TYW1B: variants seen among roughly 807,000 people sequenced by gnomAD.
TYW1B encodes S-adenosyl-L-methionine-dependent tRNA 4-demethylwyosine synthase TYW1B.
A neutral mutation model predicts 86.9 loss-of-function variants in TYW1B; 73 were observed. The observed-to-expected ratio is 0.84, with a 90% CI of 0.70 to 1.02. TYW1B has a LOEUF of 1.02. Among genes scored for constraint, TYW1B ranks in the 50% least tolerant of loss-of-function variants. The probability of loss-of-function intolerance (pLI) is 0.00; values close to 1 mark genes in which losing one functional copy is unlikely to be tolerated. For missense variants in TYW1B, 637 were observed against 827.4 expected (o/e 0.77, Z 2.82); for synonymous variants, 248 against 292.8 (o/e 0.85, Z 1.56).
intron 10 of TYW1B, among the ~76,000 whole-genome samples, chr7:72,701,414 C>G (rs1814468588): frequency 6.6e-6 from 1 of 152,078 alleles, no homozygotes; most frequent in African/African-American, 2.4e-5. Flanking sequence ...CAGGCATGCA[C>G]CAAAACACTT....
chr7:72,654,282 T>C (rs568341913), intron 11 of TYW1B, among the ~76,000 whole-genome samples: 51 of 152,146 alleles, frequency 3.4e-4, no homozygotes, highest in Non-Finnish European at 6.9e-4. Flanking sequence ...CCTTAATATA[T>C]ACAAATTCTA....
intron 2 of TYW1B, among the ~76,000 whole-genome samples, chr7:72,823,907 T>C (rs1239693782): frequency 2.0e-5 from 3 of 152,222 alleles, no homozygotes; most frequent in Admixed American, 6.6e-5. Flanking sequence ...ATTAACTTTC[T>C]GTACACCTGG....
intron 11 of TYW1B, among the ~76,000 whole-genome samples, chr7:72,685,054 G>A (rs1268669090): frequency 6.6e-6 from 1 of 151,368 alleles, no homozygotes; most frequent in African/African-American, 2.4e-5. Context: ...GGAGGTTGCA[G>A]TGCGCCAAGA....
At chr7:72,611,437 C>T (rs1365387381) in intron 13 of TYW1B, among the ~76,000 whole-genome samples, 1 of 152,058 alleles carries the variant, frequency 6.6e-6, no homozygotes, top group African/African-American at 2.4e-5. Flanking sequence ...TTCCCCCATG[C>T]TGTTCTTGTG....
chr7:72,677,354 C>G (rs1431329219), intron 11 of TYW1B, among the ~76,000 whole-genome samples: 1 of 151,632 alleles, frequency 6.6e-6, no homozygotes, highest in Non-Finnish European at 1.5e-5. Context: ...TGCTATGTTG[C>G]TCAGGCTGGT....
At chr7:72,634,136 A>G (rs1563039699) in intron 11 of TYW1B, among the ~76,000 whole-genome samples, 1 of 151,936 alleles carries the variant, frequency 6.6e-6, no homozygotes, top group African/African-American at 2.4e-5. Context: ...TGCTGCTGCC[A>G]TGAGTGCTAC....
chr7:72,771,242 G>A (rs1215845218), intron 7 of TYW1B, among the ~76,000 whole-genome samples: 3 of 152,174 alleles, frequency 2.0e-5, no homozygotes, highest in East Asian at 1.9e-4. Flanking sequence ...GATTACAGGC[G>A]TGAGCCACTG....
chr7:72,669,134 CT>C (rs781821639), intron 11 of TYW1B, among the ~76,000 whole-genome samples: 4,373 of 81,216 alleles, frequency 0.054, 49 homozygotes, highest in East Asian at 0.24. Context: ...TAATTTTAAA[CT>C]TTTTTTTTTT....
At chr7:72,743,881 G>A (rs1436703996) in intron 8 of TYW1B, among the ~76,000 whole-genome samples, 12 of 151,440 alleles carry the variant, frequency 7.9e-5, no homozygotes, top group Admixed American at 7.9e-4. Flanking sequence ...AAAAGAAATG[G>A]GTTAGTAGCA....
At chr7:72,715,023 T>C (rs1786751525) in intron 9 of TYW1B, among the ~76,000 whole-genome samples, 1 of 152,198 alleles carries the variant, frequency 6.6e-6, no homozygotes, top group Non-Finnish European at 1.5e-5. Flanking sequence ...TCTCAGATGG[T>C]TGTTATGTAT....
intron 13 of TYW1B, among the ~76,000 whole-genome samples, chr7:72,581,359 AT>A (rs2129567591): frequency 6.6e-6 from 1 of 152,060 alleles, no homozygotes; most frequent in Non-Finnish European, 1.5e-5. Context: ...AGATGACAAG[AT>A]ACTGAGGTTG....
intron 12 of TYW1B, among the ~76,000 whole-genome samples, chr7:72,622,761 C>A (rs1453902604): frequency 2.0e-5 from 3 of 151,410 alleles, no homozygotes; most frequent in Admixed American, 2.0e-4. Context: ...AGTGCACACA[C>A]CACACACATG....
intron 10 of TYW1B, among the ~76,000 whole-genome samples, chr7:72,709,281 G>A (rs1438230814): frequency 3.3e-5 from 5 of 152,138 alleles, no homozygotes; most frequent in Non-Finnish European, 4.4e-5. Context: ...TTGTTCCAGG[G>A]AAGGACATAC....
At chr7:72,709,329 G>A (rs1814687645) in intron 10 of TYW1B, among the ~76,000 whole-genome samples, 1 of 152,190 alleles carries the variant, frequency 6.6e-6, no homozygotes, top group Non-Finnish European at 1.5e-5. Context: ...CTTACTCCCT[G>A]AAGCACAGCA....
rs561810009 is a variant in TYW1B, at chr7:72,704,717, G to C, written c.1370+8904C>G. 1.6e-4 allele frequency among the ~76,000 whole-genome samples: 25 copies of C among 151,930 alleles called. No homozygotes were observed. In the South Asian group the frequency reaches 5.2e-3, roughly 32 times the overall value. On this transcript the variant is annotated intron_variant, in intron 10 of 13. Coordinates refer to ENST00000620995, the MANE Select transcript of TYW1B (RefSeq NM_001145440.3). The stretch of plus-strand genomic sequence containing the variant: ...GTTTCATGTCTTATCTCACATACTC[G>C]CAATGCCACCATAAGGTAGTCATTA...
intron 6 of TYW1B, among the ~76,000 whole-genome samples, chr7:72,778,152 CA>C (rs1554470958): frequency 2.0e-5 from 3 of 152,118 alleles, no homozygotes. Flanking sequence ...AATCTGAGTA[CA>C]GATAGCTGCC....
chr7:72,768,075 C>A (rs1322939724), intron 7 of TYW1B, among the ~76,000 whole-genome samples: 1 of 151,932 alleles, frequency 6.6e-6, no homozygotes, highest in Non-Finnish European at 1.5e-5. Context: ...CATGATGAAA[C>A]CCTGTCTCTA....
intron 13 of TYW1B, among the ~76,000 whole-genome samples, chr7:72,606,113 A>G (rs776382271): frequency 1.1e-4 from 16 of 152,214 alleles, no homozygotes; most frequent in East Asian, 3.9e-4. Context: ...CATGGTGGTG[A>G]GTTTCTTGAG....
chr7:72,826,615 C>T (rs1788934672), intron 2 of TYW1B, among the ~76,000 whole-genome samples: 1 of 152,188 alleles, frequency 6.6e-6, no homozygotes, highest in Non-Finnish European at 1.5e-5. Context: ...AAAAGGTTCA[C>T]TTTTCATTAC....
Sources: gnomAD v4.1 joint callset for allele counts (sites outside exome capture counted in the v4.1 genomes callset) on GRCh38, gnomAD v4.1.1 for gene constraint, MANE v1.5 for transcripts, NCBI Gene and HGNC (gene_info 2026-07-23, HGNC 2026-07-21) for gene names.